SHBG: variants seen among roughly 807,000 people sequenced by gnomAD.
The protein encoded by SHBG is sex hormone binding globulin.
Under a neutral mutation model 41.9 loss-of-function variants are expected in SHBG, and 37 were observed. The observed-to-expected ratio is 0.88, with a 90% CI of 0.68 to 1.16. The LOEUF (loss-of-function observed/expected upper bound fraction) is 1.16. Among genes scored for constraint, SHBG ranks in the 50% most tolerant of loss-of-function variants. The pLI is 0.00. For missense variants in SHBG, 466 were observed against 499.9 expected (o/e 0.93, Z 0.65); for synonymous variants, 217 against 205.8 (o/e 1.05, Z -0.47).
intron 1 of SHBG, among the ~76,000 whole-genome samples, chr17:7,622,859 C>T (rs2072123275): frequency 6.8e-6 from 1 of 146,006 alleles, no homozygotes; most frequent in Admixed American, 6.9e-5. Flanking sequence ...GAAACCCCGT[C>T]TCAACTAAAA....
intron 1 of SHBG, chr17:7,614,236 G>A: frequency 2.9e-6 from 2 of 687,302 alleles, no homozygotes; most frequent in South Asian, 1.5e-5. Flanking sequence ...CGGAGATGGG[G>A]GTAGAAGCAG....
intron 6 of SHBG, among the ~76,000 whole-genome samples, chr17:7,632,279 T>TAA (rs368288819): frequency 1.4e-5 from 2 of 138,332 alleles, no homozygotes; most frequent in African/African-American, 2.7e-5. Flanking sequence ...GACCTCTGTC[T>TAA]AAAAAAAAAA....
At chr17:7,627,821 G>A (rs1330213702), upstream of SHBG, 16 of 694,682 alleles carry the variant, frequency 2.3e-5, no homozygotes, top group Non-Finnish European at 3.7e-5. This position sits in a 1 kb window ranked among gnomAD's most constrained non-coding sequence, Gnocchi z 4.8. Context: ...CGGGAGGAGA[G>A]AGTAGGCCAG....
At position 7,632,948 on chromosome 17, in the gene SHBG, G is replaced by T; in HGVS notation, c.1049G>T (p.Gly350Val). The change falls in exon 7 of 8, where the codon GGG becomes GTG. Residue 350 changes from glycine (G) to valine (V), a missense_variant. Physicochemically the swap from Gly to Val is moderately radical, Grantham distance 109. Coordinates refer to ENST00000380450, the MANE Select transcript of SHBG (RefSeq NM_001040.5). ...AAGCCTCAAGGGCGTCTCTTCCTGG[G>T]GGCTTTACCAGGTAAGAGAGAATGA... The part of the protein sequence containing the change: ...WAKPQGRLFL[G>V]ALPGEDSSTS... 1 of 1,613,692 alleles carries T rather than the reference G, an allele frequency of 6.2e-7. No individual in the cohort carries two copies.
chr17:7,617,571 C>G (rs2072016512), intron 1 of SHBG, among the ~76,000 whole-genome samples: 1 of 151,626 alleles, frequency 6.6e-6, no homozygotes, highest in South Asian at 2.1e-4. Context: ...CCACTGCACT[C>G]CAGCCTGGGT....
chr17:7,620,712 C>T (rs2072076854), intron 1 of SHBG, among the ~76,000 whole-genome samples: 1 of 151,730 alleles, frequency 6.6e-6, no homozygotes, highest in South Asian at 2.1e-4. Flanking sequence ...CTCTCTACAA[C>T]CTCTGCCTCC....
Position 7,630,782 on chromosome 17 carries a change from C to A in SHBG, c.306C>A (p.Asp102Glu). ...KDDWFMLGLR[D>E]GRPEIQLHNH... ...ACTGGTTTATGCTGGGACTTCGAGA[C>A]GGCAGGCCTGAGATCCAACTGCACA... Residue 102 changes from aspartate (D) to glutamate (E), a missense_variant, in exon 3 of 8, where the codon GAC (aspartate) becomes GAA (glutamate). Transcript: ENST00000380450. This position sits in a 1 kb window ranked among gnomAD's most constrained non-coding sequence, Gnocchi z 4.6. The A allele has an allele frequency of 1.9e-6, 3 of 1,613,956 alleles. No individual in the cohort carries two copies. Among genetic ancestry groups the A allele is most frequent in the Non-Finnish European group, 2.5e-6 (3 of 1,179,964 alleles).
At chr17:7,615,608 CAG>C (rs1245724801) in intron 1 of SHBG, among the ~76,000 whole-genome samples, 3 of 147,208 alleles carry the variant, frequency 2.0e-5, no homozygotes, top group African/African-American at 5.1e-5. Context: ...CACCTGAGGT[CAG>C]GGGTTCGAGA....
chr17:7,630,573 T>A lies in SHBG; in HGVS notation c.203+66T>A. 6.4e-7 allele frequency: 1 copy of A among 1,554,420 alleles called. No individual in the cohort carries two copies. Among genetic ancestry groups the A allele is most frequent in the East Asian group, 2.2e-5 (1 of 44,596 alleles). On this transcript the variant is annotated intron_variant, in intron 2 of 7. Coordinates refer to ENST00000380450, the MANE Select transcript of SHBG (RefSeq NM_001040.5). This position sits in a 1 kb window ranked among gnomAD's most constrained non-coding sequence, Gnocchi z 4.6. ...TGCCCTCTCTCCATCAGCTCTTCTC[T>A]TTTCCCTGTCTTCCTTTCCTTATCT...
upstream of SHBG, chr17:7,626,375 C>A (rs1393548831): frequency 6.5e-7 from 1 of 1,550,074 alleles, no homozygotes; most frequent in East Asian, 2.2e-5. Context: ...TGTCTGTGGA[C>A]GTAGTCTCTG....
upstream of SHBG, chr17:7,626,497 G>A: frequency 6.2e-7 from 1 of 1,614,108 alleles, no homozygotes; most frequent in Non-Finnish European, 8.5e-7. Flanking sequence ...CAGAAGAAGT[G>A]CCAGCCCTCA....
At chr17:7,625,971 A>T (rs538622036), upstream of SHBG, among the ~76,000 whole-genome samples, 36 of 151,192 alleles carry the variant, frequency 2.4e-4, no homozygotes, top group Non-Finnish European at 4.3e-4. Context: ...TTCGAGGCCG[A>T]GGCGGACGGA....
At chr17:7,621,579 G>A (rs1324213676) in intron 1 of SHBG, among the ~76,000 whole-genome samples, 1 of 105,558 alleles carries the variant, frequency 9.5e-6, no homozygotes, top group Non-Finnish European at 2.1e-5. Flanking sequence ...CCAGCCTGGG[G>A]GCAACAGAGC....
chr17:7,614,095 T>A (rs944576773), exon 1 of SHBG: 1 of 506,032 alleles, frequency 2.0e-6, no homozygotes, highest in Non-Finnish European at 3.8e-6. Flanking sequence ...GTGGGGAAGA[T>A]GTGATTAAGG....
upstream of SHBG, chr17:7,626,860 CG>C: frequency 6.2e-7 from 1 of 1,605,804 alleles, no homozygotes. Flanking sequence ...AAAATGACAC[CG>C]GCTGGGCTCT....
At chr17:7,620,519 C>T (rs900478309) in intron 1 of SHBG, among the ~76,000 whole-genome samples, 3 of 152,090 alleles carry the variant, frequency 2.0e-5, no homozygotes, top group Admixed American at 2.0e-4. Context: ...TGGGGTTTCA[C>T]CATGTTAGCC....
intron 6 of SHBG, 111 bp downstream of exon 6, chr17:7,632,126 A>ATGAGGGAAGAGGGGAGTC (rs2072438480): frequency 1.8e-6 from 2 of 1,133,024 alleles, no homozygotes; most frequent in South Asian, 2.5e-5. Context: ...AGGGAACATA[A>ATGAGGGAAGAGGGGAGTC]CAAGACTGGC....
intron 6 of SHBG, among the ~76,000 whole-genome samples, chr17:7,632,413 G>A (rs2072448080): frequency 6.6e-6 from 1 of 152,144 alleles, no homozygotes; most frequent in Admixed American, 6.5e-5. Flanking sequence ...ACTGCACTCT[G>A]ACCTGGGCCA....
At chr17:7,632,272 C>T (rs1022826591) in intron 6 of SHBG, among the ~76,000 whole-genome samples, 5 of 150,810 alleles carry the variant, frequency 3.3e-5, no homozygotes, top group East Asian at 3.9e-4. Context: ...TAGCAGAGAC[C>T]TCTGTCTAAA....
Sources: allele counts gnomAD v4.1 joint callset (sites outside exome capture counted in the v4.1 genomes callset), GRCh38; gene constraint gnomAD v4.1.1; non-coding constraint Gnocchi (gnomAD v3.1); transcripts MANE v1.5; gene names NCBI Gene and HGNC (gene_info 2026-07-23, HGNC 2026-07-21).